The following PALD1 variants were observed in gnomAD, a reference collection of about 807,000 sequenced individuals.
The protein encoded by PALD1 is paladin.
In PALD1, 57 loss-of-function variants were observed where a neutral mutation model predicts 96.0. The ratio of observed to expected loss-of-function variants is 0.59; its 90% confidence interval spans 0.48 to 0.74. The LOEUF is 0.74. Among genes scored for constraint, PALD1 ranks in the 30% least tolerant of loss-of-function variants. The pLI, the probability that PALD1 is intolerant of heterozygous loss-of-function variation, is 0.00. For synonymous variants in PALD1, 464 were observed against 473.6 expected (o/e 0.98, Z 0.26); for missense variants, 1,063 against 1,143.7 (o/e 0.93, Z 1.02).
chr10:70,530,123 C>T, intron 4 of PALD1, 55 bp downstream of exon 4: 16 of 1,420,220 alleles, frequency 1.1e-5, no homozygotes, highest in Non-Finnish European at 1.4e-5. Context: ...GGGAGAGGGG[C>T]ACCTTGGAGG....
chr10:70,470,081 A>G, the PALD1 span, among the ~76,000 whole-genome samples: 1 of 152,212 alleles, frequency 6.6e-6, no homozygotes, highest in Non-Finnish European at 1.5e-5. Flanking sequence ...GGCATGAACC[A>G]TTATGCCCGG....
chr10:70,564,442 C>T lies in PALD1; in HGVS notation c.2341C>T (p.Leu781=). The T allele has an allele frequency of 6.2e-7, 1 of 1,614,124 alleles. No homozygotes were observed. The highest frequency in any genetic ancestry group is 8.5e-7 in the Non-Finnish European group (1 of 1,179,964). The part of the protein sequence containing the change: ...SLQYLERYVC[L]ILFNAYLHLE... Reference sequence around the variant, plus strand: ...GCAGTACTTGGAGCGCTATGTCTGCCTGATTCTCTTCAACGCGTACCTCCA... The same window carrying T: ...GCAGTACTTGGAGCGCTATGTCTGCTTGATTCTCTTCAACGCGTACCTCCA... The change falls in exon 19 of 20, where the codon CTG becomes TTG. Residue 781 remains leucine, a synonymous_variant. Transcript: ENST00000263563.
In PALD1 at chr10:70,567,027, C is replaced by T. The variant is rs1237349485; in HGVS notation, c.*294C>T. On this transcript the variant is annotated 3_prime_UTR_variant, in exon 20 of 20. Transcript: ENST00000263563. ...TGTGTGTACCTTGCAGACAGGCCGG[C>T]GTTCAGCCTCCAAGGGGCTCACTCC... The T allele has an allele frequency of 1.2e-5, 4 of 333,214 alleles. No individual in the cohort carries two copies. The highest frequency in any genetic ancestry group is 7.7e-4 in the Middle Eastern group (1 of 1,300). The allele number at this position is 333,214 out of a possible 1,614,324, so 20.6% of individuals were successfully genotyped here.
intron 1 of PALD1, among the ~76,000 whole-genome samples, chr10:70,517,664 T>C (rs941115789): frequency 6.6e-6 from 1 of 151,972 alleles, no homozygotes; most frequent in South Asian, 2.1e-4. Flanking sequence ...TTGATCAGCA[T>C]TGGCAAATGT....
chr10:70,561,923 T>C (rs1178096549), intron 18 of PALD1, among the ~76,000 whole-genome samples: 3 of 152,194 alleles, frequency 2.0e-5, no homozygotes, highest in African/African-American at 7.2e-5. Context: ...TGTGGCTGCT[T>C]TGAAATTATT....
chr10:70,476,780 C>T (rs909036188), upstream of PALD1, among the ~76,000 whole-genome samples: 13 of 152,104 alleles, frequency 8.5e-5, no homozygotes, highest in African/African-American at 3.1e-4. Context: ...GGCCAAAAGA[C>T]AGGTCAGGCA....
Position 70,521,550 on chromosome 10 carries a change from C to T in PALD1, c.-29-4373C>T, listed in dbSNP as rs138452486. On this transcript the variant is annotated intron_variant, in intron 1 of 19. Transcript: ENST00000263563. ...AGGTTTCCTCTTTTTTCTTTTTTTTCGAGATGGAGTCTTGCTCTGTCGCCC... is the reference window on the plus strand; with the variant it reads ...AGGTTTCCTCTTTTTTCTTTTTTTTTGAGATGGAGTCTTGCTCTGTCGCCC... Among the ~76,000 whole-genome samples, 686 of 151,398 alleles carry T rather than the reference C, an allele frequency of 4.5e-3. 5 individuals carry two copies. The highest frequency in any genetic ancestry group is 0.016 in the African/African-American group (663 of 41,306).
chr10:70,557,735 C>T (rs1847639372), intron 18 of PALD1, among the ~76,000 whole-genome samples: 1 of 152,060 alleles, frequency 6.6e-6, no homozygotes, highest in Admixed American at 6.6e-5. Context: ...CAGCCACTGG[C>T]CATCTTTGGG....
At position 70,494,305 on chromosome 10, in the gene PALD1, A is replaced by G. The variant is rs80247481; in HGVS notation, c.-30+15246A>G. Among the ~76,000 whole-genome samples the G allele has an allele frequency of 1.1e-3, 171 of 152,328 alleles. 1 individual carries two copies. The East Asian group carries it at 0.031, about 28-fold the overall frequency. On this transcript the variant is annotated intron_variant, in intron 1 of 19. Transcript: ENST00000263563. ...ATAGTTTATTTCTGTGTCTCTTGCT[A>G]GTGTGCATGAGGCAGGGATTTTTGC...
Position 70,529,252 on chromosome 10 carries a change from A to T in PALD1, c.209A>T (p.Gln70Leu). 8.3e-7 allele frequency: 1 copy of T among 1,211,698 alleles called. No homozygotes were observed. The highest frequency in any genetic ancestry group is 1.1e-6 in the Non-Finnish European group (1 of 899,486). 75.1% of individuals were successfully genotyped at this position (1,211,698 alleles called of 1,614,324 possible). A position where few individuals can be genotyped will look rare whatever the true frequency, so the allele number is the denominator to read the frequency against. Residue 70 changes from glutamine (Q) to leucine (L), a missense_variant, in exon 3 of 20, where the codon CAG becomes CTG. Gln to Leu is a moderately radical substitution (Grantham distance 113). Transcript: ENST00000263563. ...VITYNCKEEFQIHDELLKAHY... is the reference protein window; with the variant it reads ...VITYNCKEEFLIHDELLKAHY... ...AGGTACAACTGCAAGGAGGAGTTCC[A>T]GATCCATGATGAGCTGCTCAAGGCT...
At chr10:70,503,387 G>A (rs1846331927) in intron 1 of PALD1, among the ~76,000 whole-genome samples, 2 of 152,186 alleles carry the variant, frequency 1.3e-5, no homozygotes, top group Non-Finnish European at 2.9e-5. Flanking sequence ...TGTAATCCCA[G>A]CACTTAGGGA....
chr10:70,567,104 A>T lies in PALD1; in HGVS notation c.*371A>T. 5.2e-6 allele frequency: 1 copy of T among 190,606 alleles called. No homozygotes were observed. Among genetic ancestry groups the T allele is most frequent in the Non-Finnish European group, 1.1e-5 (1 of 93,808 alleles). The allele number at this position is 190,606 out of a possible 1,614,324, so 11.8% of individuals were successfully genotyped here. A position where few individuals can be genotyped will look rare whatever the true frequency, so the allele number is the denominator to read the frequency against. Reference sequence around the variant, plus strand: ...TCTGTCCTCTTCTCCCCTCTCTCAGATTGGCCTGGCAGCCCCTGGCACAGA... The same window carrying T: ...TCTGTCCTCTTCTCCCCTCTCTCAGTTTGGCCTGGCAGCCCCTGGCACAGA... On this transcript the variant is annotated 3_prime_UTR_variant, in exon 20 of 20. Transcript: ENST00000263563.
At chr10:70,479,360 A>G (rs895191550) in intron 1 of PALD1, among the ~76,000 whole-genome samples, 1 of 152,144 alleles carries the variant, frequency 6.6e-6, no homozygotes, top group Non-Finnish European at 1.5e-5. Context: ...ACCTGGGAGC[A>G]TGGCCAGGAG....
intron 1 of PALD1, among the ~76,000 whole-genome samples, chr10:70,483,245 C>T (rs747036146): frequency 1.3e-5 from 2 of 152,064 alleles, no homozygotes; most frequent in African/African-American, 4.8e-5. Context: ...GAAAGAGCAG[C>T]GTGGCAGAGG....
intron 1 of PALD1, among the ~76,000 whole-genome samples, chr10:70,502,872 C>CTCTTT: frequency 6.6e-6 from 1 of 152,190 alleles, no homozygotes; most frequent in African/African-American, 2.4e-5. Flanking sequence ...CTCTTCTCTT[C>CTCTTT]TCTTTTCTCT....
intron 1 of PALD1, among the ~76,000 whole-genome samples, chr10:70,520,912 G>A (rs1048990674): frequency 3.3e-5 from 5 of 151,646 alleles, no homozygotes; most frequent in South Asian, 2.1e-4. Context: ...AGCTGGTCTC[G>A]AATTCCTGAC....
Position 70,539,820 on chromosome 10 carries a change from C to T in PALD1, c.1908+58C>T. ...GAGGGACAGGAGGCCTCCCTGTCTC[C>T]CCTCTGGTCTGGGCTCTGGGAGAAT... On this transcript the variant is annotated intron_variant, in intron 15 of 19. Coordinates refer to ENST00000263563, the MANE Select transcript of PALD1 (RefSeq NM_014431.3). This position sits in a 1 kb window ranked among gnomAD's most constrained non-coding sequence, Gnocchi z 4.5. 2 of 1,468,508 alleles carry T rather than the reference C, an allele frequency of 1.4e-6. No individual in the cohort carries two copies. Among genetic ancestry groups the T allele is most frequent in the South Asian group, 1.2e-5 (1 of 83,962 alleles). 91.0% of individuals were successfully genotyped at this position (1,468,508 alleles called of 1,614,324 possible).
intron 1 of PALD1, among the ~76,000 whole-genome samples, chr10:70,517,803 TGTAA>T (rs1232471693): frequency 1.3e-5 from 2 of 152,158 alleles, no homozygotes; most frequent in Non-Finnish European, 1.5e-5. Flanking sequence ...GGTTATACAG[TGTAA>T]GTGTCTGGGG....
At chr10:70,529,770 C>T (rs768512592) in intron 3 of PALD1, 119 bp from the exon 4 acceptor site, 17 of 779,792 alleles carry the variant, frequency 2.2e-5, no homozygotes, top group Non-Finnish European at 3.5e-5. Flanking sequence ...AGGGCAGGAT[C>T]ATGTTCTTTT....
Sources: gnomAD v4.1 joint callset for allele counts (sites outside exome capture counted in the v4.1 genomes callset) on GRCh38, gnomAD v4.1.1 for gene constraint, Gnocchi (gnomAD v3.1) non-coding constraint, MANE v1.5 for transcripts, NCBI Gene and HGNC (gene_info 2026-07-23, HGNC 2026-07-21) for gene names.